Variants in DCC observed in about 807,000 individuals in gnomAD.
The protein encoded by DCC is DCC netrin 1 receptor.
In DCC, 58 loss-of-function variants were observed where a neutral mutation model predicts 172.5. The observed-to-expected ratio is 0.34, with a 90% CI of 0.27 to 0.42. The LOEUF (loss-of-function observed/expected upper bound fraction) is 0.42, where lower values mean the gene tolerates loss of function less well. DCC is among the 10% of genes least tolerant of loss of function. The pLI, the probability that DCC is intolerant of heterozygous loss-of-function variation, is 1.00. For missense variants in DCC, 1,740 were observed against 1,791.0 expected (o/e 0.97, Z 0.51); for synonymous variants, 709 against 644.5 (o/e 1.10, Z -1.52).
At chr18:52,364,968 T>C (rs1984781796) in intron 1 of DCC, among the ~76,000 whole-genome samples, 1 of 152,168 alleles carries the variant, frequency 6.6e-6, no homozygotes, top group Non-Finnish European at 1.5e-5. Context: ...AGCAGAAAAC[T>C]CTAAATATGT....
intron 5 of DCC, among the ~76,000 whole-genome samples, chr18:52,998,104 T>TA (rs147294365): frequency 0.12 from 17,741 of 151,936 alleles, 1,368 homozygotes; most frequent in East Asian, 0.3. Flanking sequence ...AAATTAAAAT[T>TA]AAATTAAAAG....
chr18:53,106,626 C>T (rs2043251996), intron 7 of DCC, among the ~76,000 whole-genome samples: 1 of 151,866 alleles, frequency 6.6e-6, no homozygotes, highest in African/African-American at 2.4e-5. Context: ...GGAAAGGGAT[C>T]CTGATCTAGA....
intron 1 of DCC, among the ~76,000 whole-genome samples, chr18:52,632,645 A>T: frequency 6.6e-6 from 1 of 152,170 alleles, no homozygotes; most frequent in Non-Finnish European, 1.5e-5. Context: ...TTCTTAATGG[A>T]TATATCCTGC....
intron 20 of DCC, among the ~76,000 whole-genome samples, chr18:53,414,627 T>A (rs1323413112): frequency 1.3e-5 from 2 of 152,084 alleles, no homozygotes; most frequent in Non-Finnish European, 2.9e-5. Flanking sequence ...GGCGGGTGGA[T>A]CACGAGGTCA....
intron 1 of DCC, among the ~76,000 whole-genome samples, chr18:52,654,974 C>T (rs918269525): frequency 6.6e-6 from 1 of 152,144 alleles, no homozygotes; most frequent in East Asian, 1.9e-4. Context: ...ATCCTCTGTG[C>T]ATTACTACAA....
chr18:52,979,482 T>C (rs934580796), intron 5 of DCC, among the ~76,000 whole-genome samples: 1 of 152,202 alleles, frequency 6.6e-6, no homozygotes, highest in Non-Finnish European at 1.5e-5. Flanking sequence ...TCAAAAGGCA[T>C]GGATGTTGCT....
At chr18:53,065,112 A>G (rs1190277307) in intron 6 of DCC, among the ~76,000 whole-genome samples, 3 of 152,026 alleles carry the variant, frequency 2.0e-5, no homozygotes, top group Non-Finnish European at 4.4e-5. Flanking sequence ...CACACTTAAC[A>G]TTGAGCACAA....
rs181053783 is a variant in DCC at position 53,238,235 on chromosome 18, T to A, written c.1911+22638T>A. The stretch of plus-strand genomic sequence containing the variant: ...TACTCTTCCAATAGATATTCTAATT[T>A]ATTATCTGATACGTAGTGTTGGGTT... On this transcript the variant is annotated intron_variant, in intron 12 of 28. Transcript: ENST00000442544. Among the ~76,000 whole-genome samples the A allele has an allele frequency of 2.6e-4, 40 of 152,310 alleles. 1 individual carries two copies. The highest frequency in any genetic ancestry group is 3.9e-4 in the Admixed American group (6 of 15,286).
chr18:52,867,032 T>C (rs562404260), intron 2 of DCC, among the ~76,000 whole-genome samples: 1 of 152,208 alleles, frequency 6.6e-6, no homozygotes, highest in Non-Finnish European at 1.5e-5. Flanking sequence ...TAAATAGCTC[T>C]TATTATTTTG....
chr18:52,531,964 T>C (rs1295459194), intron 1 of DCC, among the ~76,000 whole-genome samples: 1 of 152,198 alleles, frequency 6.6e-6, no homozygotes, highest in Non-Finnish European at 1.5e-5. Flanking sequence ...AACTATTGCC[T>C]TCTGTGAGCC....
At chr18:52,435,633 C>T (rs1987768105) in intron 1 of DCC, among the ~76,000 whole-genome samples, 1 of 152,206 alleles carries the variant, frequency 6.6e-6, no homozygotes, top group Admixed American at 6.5e-5. Context: ...AATCCACCTT[C>T]CTGGCCTTTC....
intron 1 of DCC, among the ~76,000 whole-genome samples, chr18:52,460,771 A>G (rs1322167477): frequency 6.6e-6 from 1 of 152,204 alleles, no homozygotes; most frequent in African/African-American, 2.4e-5. Context: ...GGTACAATAA[A>G]AATTCTGTAT....
intron 1 of DCC, among the ~76,000 whole-genome samples, chr18:52,420,286 C>A (rs1261130350): frequency 6.6e-6 from 1 of 152,128 alleles, no homozygotes; most frequent in East Asian, 1.9e-4. Context: ...CCAAGGAAAG[C>A]CCTGTGATGT....
intron 1 of DCC, among the ~76,000 whole-genome samples, chr18:52,571,540 C>T (rs1169437498): frequency 6.6e-6 from 1 of 152,154 alleles, no homozygotes; most frequent in Non-Finnish European, 1.5e-5. Flanking sequence ...ACTAGAATTC[C>T]ATTGCAACAC....
intron 15 of DCC, among the ~76,000 whole-genome samples, chr18:53,370,651 C>G (rs913318932): frequency 6.6e-6 from 1 of 151,738 alleles, no homozygotes; most frequent in Non-Finnish European, 1.5e-5. Context: ...TATTTAATTT[C>G]CATACATTTG....
At chr18:52,638,273 C>G (rs576980888) in intron 1 of DCC, among the ~76,000 whole-genome samples, 15 of 145,672 alleles carry the variant, frequency 1.0e-4, no homozygotes, top group African/African-American at 3.8e-4. Context: ...AAAGCAAAAA[C>G]AAAAAACAAA....
chr18:52,967,584 C>T (rs1182476662), intron 5 of DCC, among the ~76,000 whole-genome samples: 1 of 152,124 alleles, frequency 6.6e-6, no homozygotes, highest in South Asian at 2.1e-4. Context: ...TTTTGTGTCT[C>T]TCTTTCTACA....
intron 15 of DCC, among the ~76,000 whole-genome samples, chr18:53,348,626 T>A (rs1002395490): frequency 6.6e-6 from 1 of 152,112 alleles, no homozygotes; most frequent in Non-Finnish European, 1.5e-5. Flanking sequence ...TAGCAGAGGT[T>A]CTCCACTGCC....
intron 1 of DCC, among the ~76,000 whole-genome samples, chr18:52,478,092 G>A (rs1348077039): frequency 6.6e-6 from 1 of 152,116 alleles, no homozygotes; most frequent in South Asian, 2.1e-4. Context: ...TTAAAAGAGT[G>A]AGCCACCAGG....
Sources: allele counts gnomAD v4.1 joint callset (sites outside exome capture counted in the v4.1 genomes callset), GRCh38; gene constraint gnomAD v4.1.1; transcripts MANE v1.5; gene names NCBI Gene and HGNC (gene_info 2026-07-23, HGNC 2026-07-21).